Variants in ATM observed in about 807,000 individuals in gnomAD.
ATM encodes the protein ATM serine/threonine kinase.
A neutral mutation model predicts 387.0 loss-of-function variants in ATM; 308 were observed. The ratio of observed to expected loss-of-function variants is 0.80; its 90% CI spans 0.73 to 0.87. ATM has a LOEUF of 0.87. ATM is among the 40% of genes least tolerant of loss of function. The pLI is 0.00. For missense variants in ATM, 3,312 were observed against 3,560.9 expected (o/e 0.93, Z 1.78); for synonymous variants, 1,156 against 1,187.3 (o/e 0.97, Z 0.54).
chr11:108,338,716 C>T (rs2087134877), intron 56 of ATM, among the ~76,000 whole-genome samples: 1 of 151,830 alleles, frequency 6.6e-6, no homozygotes, highest in Non-Finnish European at 1.5e-5. Flanking sequence ...TGTTATACAT[C>T]TCAATATTAA....
chr11:108,291,657 C>G (rs2082799863), intron 29 of ATM, among the ~76,000 whole-genome samples: 1 of 152,138 alleles, frequency 6.6e-6, no homozygotes, highest in Non-Finnish European at 1.5e-5. Flanking sequence ...TGTACCTTAG[C>G]TTGTGTTTAG....
At position 108,289,101 on chromosome 11, in the gene ATM, C is replaced by T. The variant is rs1591660899; in HGVS notation, c.4234C>T (p.Pro1412Ser). 1 of 1,607,640 alleles carries T rather than the reference C, an allele frequency of 6.2e-7. No homozygotes were observed. Among genetic ancestry groups the T allele is most frequent in the Middle Eastern group, 1.7e-4 (1 of 5,850 alleles). ...KSILEILSKSPDSYQKILLAI... is the reference protein window; with the variant it reads ...KSILEILSKSSDSYQKILLAI... Reference sequence around the variant, plus strand: ...CATTTTAGAAATTCTTTCCAAAAGCCCTGTAAGTATACATGATGAGTTTAA... The same window carrying T: ...CATTTTAGAAATTCTTTCCAAAAGCTCTGTAAGTATACATGATGAGTTTAA... The change falls in exon 28 of 63, where the codon CCT (proline) becomes TCT (serine). Residue 1412 changes from proline to serine, a missense_variant and splice_region_variant. Physicochemically the swap from Pro to Ser is moderately conservative, Grantham distance 74. Transcript: ENST00000675843.
chr11:108,354,737 G>A (rs1441321117), intron 60 of ATM, 74 bp from the exon 61 acceptor site: 43 of 1,233,664 alleles, frequency 3.5e-5, no homozygotes, highest in Non-Finnish European at 4.7e-5. Flanking sequence ...CTACACATGA[G>A]AGTATACAGA....
At chr11:108,254,412 G>A (rs377448521) in intron 13 of ATM, among the ~76,000 whole-genome samples, 1 of 152,144 alleles carries the variant, frequency 6.6e-6, no homozygotes, top group African/African-American at 2.4e-5. Context: ...GATTTTGGTG[G>A]CATCTGAAGA....
chr11:108,365,299 T>C (rs748466041), intron 62 of ATM, 26 bp from the exon 63 acceptor site: 11 of 1,614,106 alleles, frequency 6.8e-6, no homozygotes, highest in Admixed American at 3.3e-5. Context: ...TTCACCTCAC[T>C]GAAACCTTTG....
At chr11:108,279,660 C>A in intron 23 of ATM, 52 bp downstream of exon 23, 1 of 1,369,318 alleles carries the variant, frequency 7.3e-7, no homozygotes, top group Non-Finnish European at 1.0e-6. Context: ...CTATGAATAT[C>A]CCATAAATTA....
At chr11:108,252,782 G>A (rs371913748) in intron 11 of ATM, 35 bp from the exon 12 acceptor site, 2 of 1,411,472 alleles carry the variant, frequency 1.4e-6, no homozygotes, top group Non-Finnish European at 2.0e-6. Flanking sequence ...ATGGCTTTTG[G>A]TCTTCTAAGT....
In ATM at chr11:108,368,736, C is replaced by T. The variant is rs1472489818; in HGVS notation, c.*3228C>T. The T allele has an allele frequency of 4.7e-6, 1 of 213,790 alleles. No individual in the cohort carries two copies. The highest frequency in any genetic ancestry group is 9.5e-6 in the Non-Finnish European group (1 of 105,810). 13.2% of individuals were successfully genotyped at this position (213,790 alleles called of 1,614,324 possible). ...AGATTAAGGGAGATAATAGCTTTCC[C>T]ACCCTACTTTGTGCAGGTCATACCT... On this transcript the variant is annotated 3_prime_UTR_variant, in exon 63 of 63. Coordinates refer to ENST00000675843, the MANE Select transcript of ATM (RefSeq NM_000051.4).
At position 108,331,889 on chromosome 11, in the gene ATM, G is replaced by T. The variant is rs2136515485; in HGVS notation, c.7640G>T (p.Arg2547Ile). Residue 2547 changes from arginine to isoleucine, a missense_variant, in exon 52 of 63, where the codon AGA becomes ATA. Arg to Ile is a moderately conservative substitution (Grantham distance 97, BLOSUM62 -3). Coordinates refer to ENST00000675843, the MANE Select transcript of ATM (RefSeq NM_000051.4). ...FHEVLNNLIS[R>I]ISMDHPHHTL... ...GTTCTTTTCTTACAGCTAATCTCTAGAATTTCAATGGATCACCCCCATCAC... is the reference window on the plus strand; with the variant it reads ...GTTCTTTTCTTACAGCTAATCTCTATAATTTCAATGGATCACCCCCATCAC... 2 of 1,613,274 alleles carry T rather than the reference G, an allele frequency of 1.2e-6. No individual in the cohort carries two copies. Among genetic ancestry groups the T allele is most frequent in the Non-Finnish European group, 1.7e-6 (2 of 1,179,446 alleles).
At chr11:108,331,170 A>AT (rs546074724) in intron 50 of ATM, 33 of 1,128,532 alleles carry the variant, frequency 2.9e-5, no homozygotes, top group South Asian at 2.5e-4. Flanking sequence ...TCTTCCTTAG[A>AT]TTTTTTGGAA....
At chr11:108,226,679 A>G (rs1330055549) in intron 1 of ATM, 2 of 152,008 alleles carry the variant, frequency 1.3e-5, no homozygotes, top group Admixed American at 1.3e-4. Flanking sequence ...GCTCAGCAAA[A>G]TGACATGTCT....
At chr11:108,331,760 C>A in intron 51 of ATM, 119 bp from the exon 52 acceptor site, 1 of 1,330,624 alleles carries the variant, frequency 7.5e-7, no homozygotes, top group Non-Finnish European at 1.0e-6. Context: ...TGCAGGCATA[C>A]ACGCTCTACC....
In ATM at chr11:108,316,068, C is replaced by G. The variant is rs876658452; in HGVS notation, c.6153C>G (p.Leu2051=). The G allele has an allele frequency of 6.2e-7, 1 of 1,614,050 alleles. No homozygotes were observed. Among genetic ancestry groups the G allele is most frequent in the Non-Finnish European group, 8.5e-7 (1 of 1,179,994 alleles). Residue 2051 remains leucine, a synonymous_variant, in exon 42 of 63, where the codon CTC becomes CTG. Transcript: ENST00000675843. ...MWGKALVTYD[L]ETAIPSSTRQ... ...GCAAAGCCCTAGTAACATATGACCT[C>G]GAAACAGCAATCCCCTCATCAACAC...
rs864622668 is a variant in ATM, at chr11:108,299,832, T to G, written c.5124T>G (p.Leu1708=). 1 of 1,613,968 alleles carries G rather than the reference T, an allele frequency of 6.2e-7. No homozygotes were observed. The highest frequency in any genetic ancestry group is 8.5e-7 in the Non-Finnish European group (1 of 1,179,936). ...TTAAGTTATTTGAAGATAAAGAACTTCAGTGGACCTTCATAATGCTGACCT... is the reference window on the plus strand; with the variant it reads ...TTAAGTTATTTGAAGATAAAGAACTGCAGTGGACCTTCATAATGCTGACCT... The part of the protein sequence containing the change: ...KALKLFEDKE[L]QWTFIMLTYL... The change falls in exon 34 of 63, where the codon CTT becomes CTG. Residue 1708 remains leucine (L), a synonymous_variant. Transcript: ENST00000675843.
intron 23 of ATM, among the ~76,000 whole-genome samples, chr11:108,279,868 TC>T (rs2135650633): frequency 6.6e-6 from 1 of 152,252 alleles, no homozygotes. Context: ...TATAAATGGC[TC>T]CCTTTTTTAT....
chr11:108,249,120 T>G lies in ATM; in HGVS notation c.1235+18T>G. ...GTGCCTTGGTAAAGTGTTACCATTT[T>G]CTCATTCAGTGTCATTTTAATCTCT... On this transcript the variant is annotated intron_variant, in intron 9 of 62. Transcript: ENST00000675843. 6.2e-7 allele frequency: 1 copy of G among 1,613,164 alleles called. No individual in the cohort carries two copies.
intron 14 of ATM, 69 bp downstream of exon 14, chr11:108,256,409 C>T (rs2080493205): frequency 6.6e-7 from 1 of 1,514,228 alleles, no homozygotes; most frequent in East Asian, 2.3e-5. Flanking sequence ...AAAATTATTA[C>T]ATTTGTTTGG....
In ATM at chr11:108,367,640, A is replaced by T. The variant is rs2091403775; in HGVS notation, c.*2132A>T. ...TATTTGGACCTTGAAGGTTATATAA[A>T]TTTTTTTCTTATGAAGAGTTGGCAT... On this transcript the variant is annotated 3_prime_UTR_variant, in exon 63 of 63. Coordinates refer to ENST00000675843, the MANE Select transcript of ATM (RefSeq NM_000051.4). 1 of 209,706 alleles carries T rather than the reference A, an allele frequency of 4.8e-6. No homozygotes were observed. The highest frequency in any genetic ancestry group is 9.7e-6 in the Non-Finnish European group (1 of 103,112). 13.0% of individuals were successfully genotyped at this position (209,706 alleles called of 1,614,324 possible).
chr11:108,339,826 A>G (rs2087307489), intron 56 of ATM, among the ~76,000 whole-genome samples: 1 of 152,168 alleles, frequency 6.6e-6, no homozygotes, highest in Admixed American at 6.5e-5. Flanking sequence ...CAAGAATGTT[A>G]ATGTGATCAA....
Sources: gnomAD v4.1 joint callset for allele counts (sites outside exome capture counted in the v4.1 genomes callset) on GRCh38, gnomAD v4.1.1 for gene constraint, MANE v1.5 for transcripts, NCBI Gene and HGNC (gene_info 2026-07-23, HGNC 2026-07-21) for gene names.